The following ZNF804B variants were observed in gnomAD, a reference collection of about 807,000 sequenced individuals.
ZNF804B encodes the protein zinc finger 804B.
ZNF804B carries 80 observed loss-of-function variants against 101.4 expected under a neutral mutation model. The observed-to-expected ratio is 0.79, with a 90% CI of 0.66 to 0.95. The LOEUF is 0.95. Ranked by LOEUF, ZNF804B falls within the 40% of genes least tolerant of loss-of-function variation. The pLI is 0.00. For synonymous variants in ZNF804B, 622 were observed against 558.8 expected, an observed-to-expected ratio of 1.11 and a Z score of -1.59; for missense variants, 1,673 against 1,561.9, an observed-to-expected ratio of 1.07 and a Z score of -1.20.
At chr7:88,920,632 G>A (rs1792706198) in intron 1 of ZNF804B, among the ~76,000 whole-genome samples, 1 of 151,906 alleles carries the variant, frequency 6.6e-6, no homozygotes, top group African/African-American at 2.4e-5. Flanking sequence ...AGCAGAAGGG[G>A]TGTGGCATGG....
At chr7:88,814,761 A>G (rs1583953603) in intron 1 of ZNF804B, among the ~76,000 whole-genome samples, 2 of 152,110 alleles carry the variant, frequency 1.3e-5, no homozygotes, top group African/African-American at 2.4e-5. Context: ...TTAAGTGTCT[A>G]ATGTAAACTC....
intron 2 of ZNF804B, among the ~76,000 whole-genome samples, chr7:89,263,230 C>A (rs1789736997): frequency 6.6e-6 from 1 of 152,200 alleles, no homozygotes; most frequent in Non-Finnish European, 1.5e-5. Flanking sequence ...ACTTACCTGA[C>A]TACTCCAGCT....
At chr7:89,046,983 G>T (rs536640916) in intron 1 of ZNF804B, among the ~76,000 whole-genome samples, 6 of 151,682 alleles carry the variant, frequency 4.0e-5, no homozygotes, top group Non-Finnish European at 8.8e-5. Flanking sequence ...AAATTTTGAC[G>T]TTTGCTTGCA....
chr7:89,017,813 C>A (rs1788594390), intron 1 of ZNF804B, among the ~76,000 whole-genome samples: 1 of 151,976 alleles, frequency 6.6e-6, no homozygotes, highest in African/African-American at 2.4e-5. Flanking sequence ...TTTATTTCAG[C>A]TAGTTCCTTG....
chr7:89,086,438 C>T (rs1789802498), intron 1 of ZNF804B, among the ~76,000 whole-genome samples: 1 of 151,876 alleles, frequency 6.6e-6, no homozygotes, highest in Admixed American at 6.6e-5. Context: ...AGTGCATTTA[C>T]CAAACAGCTC....
chr7:88,784,005 T>C (rs891350182), intron 1 of ZNF804B, among the ~76,000 whole-genome samples: 19 of 152,212 alleles, frequency 1.2e-4, no homozygotes, highest in African/African-American at 4.6e-4. Context: ...GGTTCATGAA[T>C]TCACCATCAT....
intron 1 of ZNF804B, among the ~76,000 whole-genome samples, chr7:88,802,038 G>C (rs1438542316): frequency 6.6e-6 from 1 of 151,990 alleles, no homozygotes; most frequent in African/African-American, 2.4e-5. Context: ...CCCTCATGCT[G>C]CTCTGGTGAT....
At chr7:88,789,919 G>T (rs1416406868) in intron 1 of ZNF804B, among the ~76,000 whole-genome samples, 16 of 152,042 alleles carry the variant, frequency 1.1e-4, no homozygotes. Flanking sequence ...TTAAATTTAT[G>T]ATAGTAGAAT....
At chr7:89,013,719 C>T (rs1027737935) in intron 1 of ZNF804B, among the ~76,000 whole-genome samples, 2 of 152,060 alleles carry the variant, frequency 1.3e-5, no homozygotes, top group Non-Finnish European at 2.9e-5. Flanking sequence ...CGTAGTTCTC[C>T]TAACTAGCTG....
intron 2 of ZNF804B, among the ~76,000 whole-genome samples, chr7:89,284,270 G>A (rs902628916): frequency 1.3e-5 from 2 of 152,094 alleles, no homozygotes; most frequent in Non-Finnish European, 2.9e-5. Context: ...TCTTCATGTG[G>A]GAAGTTCATC....
At chr7:88,931,325 A>C (rs1173197319) in intron 1 of ZNF804B, among the ~76,000 whole-genome samples, 1 of 151,872 alleles carries the variant, frequency 6.6e-6, no homozygotes, top group Non-Finnish European at 1.5e-5. Flanking sequence ...TCAGTGTTTC[A>C]ATGCAAAGGT....
intron 1 of ZNF804B, among the ~76,000 whole-genome samples, chr7:89,058,201 C>A (rs1346146616): frequency 2.0e-5 from 3 of 152,122 alleles, no homozygotes; most frequent in South Asian, 2.1e-4. Flanking sequence ...TAAAGATCTG[C>A]AAATAAAATA....
intron 2 of ZNF804B, among the ~76,000 whole-genome samples, chr7:89,231,327 T>C (rs973847089): frequency 2.6e-5 from 4 of 152,190 alleles, no homozygotes; most frequent in African/African-American, 9.6e-5. Flanking sequence ...GCTTATGCCA[T>C]TACCACGCTA....
chr7:88,983,671 A>G (rs1040930803), intron 1 of ZNF804B, among the ~76,000 whole-genome samples: 6 of 152,104 alleles, frequency 3.9e-5, no homozygotes, highest in Non-Finnish European at 8.8e-5. Context: ...AAAGGCTAGT[A>G]TCTTAATATT....
chr7:89,024,228 T>G (rs1281652820), intron 1 of ZNF804B, among the ~76,000 whole-genome samples: 5 of 152,172 alleles, frequency 3.3e-5, no homozygotes, highest in Non-Finnish European at 5.9e-5. Flanking sequence ...TAGTGTCCAC[T>G]CTGTACTTTC....
intron 1 of ZNF804B, among the ~76,000 whole-genome samples, chr7:88,875,227 C>A (rs574389431): frequency 2.4e-3 from 355 of 148,516 alleles, no homozygotes; most frequent in Non-Finnish European, 4.1e-3. Flanking sequence ...AAAATTGACA[C>A]CCTAATATCA....
At chr7:89,013,411 A>G (rs1250579746) in intron 1 of ZNF804B, among the ~76,000 whole-genome samples, 1 of 152,214 alleles carries the variant, frequency 6.6e-6, no homozygotes, top group Non-Finnish European at 1.5e-5. Context: ...CTGATGGTGG[A>G]AAGGTAACTT....
At chr7:89,084,875 T>A (rs574620365) in intron 1 of ZNF804B, among the ~76,000 whole-genome samples, 6 of 151,988 alleles carry the variant, frequency 3.9e-5, no homozygotes, top group Non-Finnish European at 1.5e-5. Context: ...CAATAAAATG[T>A]TATTTATTAC....
intron 2 of ZNF804B, among the ~76,000 whole-genome samples, chr7:89,288,956 A>T (rs917650957): frequency 2.0e-5 from 3 of 152,206 alleles, no homozygotes; most frequent in Non-Finnish European, 4.4e-5. Flanking sequence ...TGGAAAAGCA[A>T]AATATTATTA....
Sources: gnomAD v4.1 joint callset for allele counts (sites outside exome capture counted in the v4.1 genomes callset) on GRCh38, gnomAD v4.1.1 for gene constraint, MANE v1.5 for transcripts, NCBI Gene and HGNC (gene_info 2026-07-23, HGNC 2026-07-21) for gene names.